Variants in RHOG observed in about 807,000 individuals in gnomAD.
The protein encoded by RHOG is rho-related GTP-binding protein RhoG.
RHOG carries 1 observed loss-of-function variant against 12.3 expected under a neutral mutation model. The ratio of observed to expected loss-of-function variants is 0.08; its 90% CI spans 0.03 to 0.39. RHOG has a LOEUF of 0.39. Among genes scored for constraint, RHOG ranks in the 10% least tolerant of loss-of-function variants. The pLI, the probability that RHOG is intolerant of heterozygous loss-of-function variation, is 0.99. For synonymous variants in RHOG, 129 were observed against 116.0 expected (o/e 1.11, Z -0.72); for missense variants, 114 against 266.2 (o/e 0.43, Z 3.98).
At chr11:3,832,694 C>G (rs534882939) in intron 1 of RHOG, among the ~76,000 whole-genome samples, 1 of 152,288 alleles carries the variant, frequency 6.6e-6, no homozygotes, top group Non-Finnish European at 1.5e-5. Context: ...TCCTCTCTCC[C>G]AAAACAACTC....
intron 1 of RHOG, among the ~76,000 whole-genome samples, chr11:3,835,837 A>C (rs867900452): frequency 6.6e-6 from 1 of 151,880 alleles, no homozygotes; most frequent in East Asian, 1.9e-4. Context: ...AAGCTCTACA[A>C]GTTTGTTTGT....
At chr11:3,829,930 A>G (rs1339592807) in intron 1 of RHOG, among the ~76,000 whole-genome samples, 1 of 152,136 alleles carries the variant, frequency 6.6e-6, no homozygotes, top group African/African-American at 2.4e-5. Context: ...TATTTTTAGT[A>G]GAGACGGGGT....
At chr11:3,833,957 C>T (rs533089454) in intron 1 of RHOG, among the ~76,000 whole-genome samples, 1 of 152,322 alleles carries the variant, frequency 6.6e-6, no homozygotes, top group African/African-American at 2.4e-5. Context: ...GCATGGCTAC[C>T]TGTCGCCCAG....
Position 3,827,113 on chromosome 11 carries a change from T to C in RHOG, c.*450A>G, listed in dbSNP as rs969769186. On this transcript the variant is annotated 3_prime_UTR_variant, in exon 2 of 2. Coordinates refer to ENST00000351018, the MANE Select transcript of RHOG (RefSeq NM_001665.4). The surrounding 1 kb of genome is among the most constrained non-coding windows in gnomAD (Gnocchi z 7.3). ...TTAGGGCACATTCACCTTCTCAGGATTCTGTGGCTCCCTCATTGGAGAAGG... is the reference window on the plus strand; with the variant it reads ...TTAGGGCACATTCACCTTCTCAGGACTCTGTGGCTCCCTCATTGGAGAAGG... 4 of 186,130 alleles carry C rather than the reference T, an allele frequency of 2.1e-5. No individual in the cohort carries two copies. Among genetic ancestry groups the C allele is most frequent in the African/African-American group, 7.1e-5 (3 of 42,372 alleles). The allele number at this position is 186,130 out of a possible 1,614,324, so 11.5% of individuals were successfully genotyped here. A position where few individuals can be genotyped will look rare whatever the true frequency, so the allele number is the denominator to read the frequency against.
At chr11:3,829,333 A>G (rs1195514013) in intron 1 of RHOG, among the ~76,000 whole-genome samples, 3 of 149,460 alleles carry the variant, frequency 2.0e-5, no homozygotes, top group African/African-American at 7.4e-5. Flanking sequence ...GCTCACTGCA[A>G]CCTCCGCCTC....
rs770661565 is a variant in RHOG at position 3,828,171 on chromosome 11, C to T, written c.-33G>A. On this transcript the variant is annotated 5_prime_UTR_variant, in exon 2 of 2. Transcript: ENST00000351018. Reference sequence around the variant, plus strand: ...GCAGTTGCTGTAGTGGAGGCAGTGCCTCCTCTCTCTTCTGGACCCCTCTGG... The same window carrying T: ...GCAGTTGCTGTAGTGGAGGCAGTGCTTCCTCTCTCTTCTGGACCCCTCTGG... The T allele has an allele frequency of 6.3e-7, 1 of 1,581,996 alleles. No individual in the cohort carries two copies. The highest frequency in any genetic ancestry group is 1.3e-5 in the African/African-American group (1 of 74,358).
intron 1 of RHOG, among the ~76,000 whole-genome samples, chr11:3,836,519 G>A (rs1052167776): frequency 9.9e-5 from 15 of 152,056 alleles, no homozygotes; most frequent in African/African-American, 3.6e-4. Context: ...TAGCTGGGAA[G>A]GCTGGGGGCA....
In RHOG at chr11:3,827,943, G is replaced by A. The variant is rs765978146; in HGVS notation, c.196C>T (p.Arg66Cys). ...TGAGGGTAGGAGAGTGTACGGAGGCGGTCATACTCCTCCTGGCCCGCAGTG... is the reference window on the plus strand; with the variant it reads ...TGAGGGTAGGAGAGTGTACGGAGGCAGTCATACTCCTCCTGGCCCGCAGTG... ...WDTAGQEEYD[R>C]LRTLSYPQTN... is the part of the protein sequence containing the mutation. The change falls in exon 2 of 2, where the codon CGC becomes TGC. Residue 66 changes from arginine (R) to cysteine (C), a missense_variant. By Grantham distance (180) the Arg-to-Cys change is radical. Around this residue, in one of 2 missense-constraint regions of RHOG, gnomAD observed 53 missense variants for 164.8 expected, o/e 0.32. Coordinates refer to ENST00000351018, the MANE Select transcript of RHOG (RefSeq NM_001665.4). This position sits in a 1 kb window ranked among gnomAD's most constrained non-coding sequence, Gnocchi z 7.3. 6.2e-7 allele frequency: 1 copy of A among 1,614,258 alleles called. No homozygotes were observed. Among genetic ancestry groups the A allele is most frequent in the Admixed American group, 1.7e-5 (1 of 60,032 alleles).
In RHOG at chr11:3,829,592, T is replaced by C. The variant is rs1249873388; in HGVS notation, c.-68-1386A>G. On this transcript the variant is annotated intron_variant, in intron 1 of 1. Transcript: ENST00000351018. ...AAGTACTGAAAACCCTATCTGGCCA[T>C]GTACACTCAGATTGCCAATTCAATG... Among the ~76,000 whole-genome samples, 11 of 151,924 alleles carry C rather than the reference T, an allele frequency of 7.2e-5. No homozygotes were observed. The East Asian group carries it at 2.1e-3, about 30-fold the overall frequency.
Position 3,836,988 on chromosome 11 carries a change from C to T in RHOG, c.-69+3906G>A, listed in dbSNP as rs189039759. 2.1e-3 allele frequency among the ~76,000 whole-genome samples: 311 copies of T among 151,632 alleles called. 1 individual carries two copies. The highest frequency in any genetic ancestry group is 7.1e-3 in the African/African-American group (291 of 41,244). On this transcript the variant is annotated intron_variant, in intron 1 of 1. Coordinates refer to ENST00000351018, the MANE Select transcript of RHOG (RefSeq NM_001665.4). ...GGGGGAGCCAAGGAAGCTGCCCCCT[C>T]CCCCACGCAGCACAGAGGAAGGGTG...
At chr11:3,833,103 TG>T (rs1451923102) in intron 1 of RHOG, among the ~76,000 whole-genome samples, 2 of 152,088 alleles carry the variant, frequency 1.3e-5, no homozygotes, top group African/African-American at 4.8e-5. Context: ...CAATCTGTTT[TG>T]TTTTGTTTTT....
chr11:3,827,942 C>T lies in RHOG; in HGVS notation c.197G>A (p.Arg66His). The T allele has an allele frequency of 6.2e-7, 1 of 1,614,224 alleles. No individual in the cohort carries two copies. The highest frequency in any genetic ancestry group is 1.6e-4 in the Middle Eastern group (1 of 6,062). Residue 66 changes from arginine (R) to histidine (H), a missense_variant, in exon 2 of 2, where the codon CGC becomes CAC. Around this residue, in one of 2 missense-constraint regions of RHOG, gnomAD observed 53 missense variants for 164.8 expected, o/e 0.32. Coordinates refer to ENST00000351018, the MANE Select transcript of RHOG (RefSeq NM_001665.4). The surrounding 1 kb of genome is among the most constrained non-coding windows in gnomAD (Gnocchi z 7.3). ...CTGAGGGTAGGAGAGTGTACGGAGG[C>T]GGTCATACTCCTCCTGGCCCGCAGT... ...WDTAGQEEYD[R>H]LRTLSYPQTN...
intron 1 of RHOG, among the ~76,000 whole-genome samples, chr11:3,829,884 T>C (rs961768393): frequency 2.0e-5 from 3 of 152,160 alleles, no homozygotes; most frequent in African/African-American, 4.8e-5. Flanking sequence ...GTGGCTGGGA[T>C]TACAGGCGCA....
At chr11:3,828,836 G>A (rs1046325397) in intron 1 of RHOG, among the ~76,000 whole-genome samples, 54 of 151,778 alleles carry the variant, frequency 3.6e-4, no homozygotes, top group African/African-American at 1.3e-3. Flanking sequence ...TGGCCAGGAT[G>A]GTCTCGATCT....
In RHOG at chr11:3,835,890, G is replaced by T. The variant is rs192849893; in HGVS notation, c.-69+5004C>A. On this transcript the variant is annotated intron_variant, in intron 1 of 1. Coordinates refer to ENST00000351018, the MANE Select transcript of RHOG (RefSeq NM_001665.4). The stretch of plus-strand genomic sequence containing the variant: ...AGGAATAGAGGAGAGGTGATATAAA[G>T]AGGCTCAAAGGGGCTGCAGCTGGCT... 6.6e-3 allele frequency among the ~76,000 whole-genome samples: 987 copies of T among 150,324 alleles called. 10 individuals are homozygous for T. The highest frequency in any genetic ancestry group is 0.023 in the African/African-American group (925 of 40,332).
At chr11:3,830,173 C>T (rs2090118145) in intron 1 of RHOG, among the ~76,000 whole-genome samples, 1 of 152,196 alleles carries the variant, frequency 6.6e-6, no homozygotes, top group African/African-American at 2.4e-5. Context: ...ATTTTAGAGA[C>T]TTCCAGACTC....
intron 1 of RHOG, chr11:3,840,678 C>G (rs1340970751): frequency 6.6e-6 from 1 of 152,620 alleles, no homozygotes; most frequent in East Asian, 1.9e-4. Context: ...GCGGTACAGC[C>G]GCCGGGAAGC....
At chr11:3,833,852 T>C (rs1264694254) in intron 1 of RHOG, among the ~76,000 whole-genome samples, 1 of 152,212 alleles carries the variant, frequency 6.6e-6, no homozygotes, top group African/African-American at 2.4e-5. Flanking sequence ...TCTGCTGCCA[T>C]TCCCTCTCCC....
At chr11:3,828,849 T>C (rs1017855929) in intron 1 of RHOG, among the ~76,000 whole-genome samples, 12 of 151,932 alleles carry the variant, frequency 7.9e-5, no homozygotes, top group South Asian at 2.1e-4. Flanking sequence ...CTCGATCTCC[T>C]GACCTCGTGA....
Sources: gnomAD v4.1 joint callset for allele counts (sites outside exome capture counted in the v4.1 genomes callset) on GRCh38, gnomAD v4.1.1 for gene constraint, gnomAD v4.1.1 regional missense constraint, Gnocchi (gnomAD v3.1) non-coding constraint, MANE v1.5 for transcripts, NCBI Gene and HGNC (gene_info 2026-07-23, HGNC 2026-07-21) for gene names.